The following KLF12 variants were observed in gnomAD, a reference collection of about 807,000 sequenced individuals.
The protein encoded by KLF12 is Krueppel-like factor 12.
A neutral mutation model predicts 37.8 loss-of-function variants in KLF12; 9 were observed. The observed-to-expected ratio is 0.24, with a 90% confidence interval of 0.14 to 0.42. KLF12 has a LOEUF of 0.42. Among genes scored for constraint, KLF12 ranks in the 10% least tolerant of loss-of-function variants. KLF12 has a pLI of 1.00. For synonymous variants in KLF12, 208 were observed against 202.1 expected, an observed-to-expected ratio of 1.03 and a Z score of -0.25; for missense variants, 411 against 516.0, an observed-to-expected ratio of 0.80 and a Z score of 1.97.
upstream of KLF12, among the ~76,000 whole-genome samples, chr13:74,134,188 G>A (rs900362898): frequency 2.0e-5 from 3 of 150,590 alleles, no homozygotes; most frequent in Admixed American, 2.0e-4. Context: ...GTGCTGTGAG[G>A]GGGGGGGCCG....
At chr13:74,236,104 C>T in the KLF12 span, among the ~76,000 whole-genome samples, 1 of 148,098 alleles carries the variant, frequency 6.8e-6, no homozygotes. Flanking sequence ...GCTCCCCCAA[C>T]CCACAACAGT....
intron 1 of KLF12, among the ~76,000 whole-genome samples, chr13:74,083,953 G>GAATA (rs1299941883): frequency 6.6e-6 from 1 of 152,178 alleles, no homozygotes; most frequent in African/African-American, 2.4e-5. Flanking sequence ...TTAGAAGAGA[G>GAATA]AATACAGTGA....
Position 73,937,424 on chromosome 13 carries a change from C to T in KLF12, c.123+6557G>A, listed in dbSNP as rs534509114. On this transcript the variant is annotated intron_variant, in intron 3 of 7. Transcript: ENST00000377669. ...GCCTGAAATCAAAATGCTCAAATCA[C>T]TCAGAGTATTTAATTTCCTTAAGAA... is the stretch of plus-strand genomic sequence containing the variant. 3.6e-3 allele frequency among the ~76,000 whole-genome samples: 549 copies of T among 152,262 alleles called. 5 individuals are homozygous for T. The highest frequency in any genetic ancestry group is 0.012 in the African/African-American group (512 of 41,540).
intron 3 of KLF12, among the ~76,000 whole-genome samples, chr13:73,866,528 C>T (rs775010071): frequency 6.6e-6 from 1 of 151,936 alleles, no homozygotes; most frequent in South Asian, 2.1e-4. Flanking sequence ...TACTTCTCAA[C>T]AAAATGACAG....
the KLF12 span, among the ~76,000 whole-genome samples, chr13:74,298,042 C>T: frequency 1.9e-4 from 29 of 152,250 alleles, no homozygotes; most frequent in Non-Finnish European, 3.7e-4. Flanking sequence ...GGTCTACAAT[C>T]GCCTGTACGG....
chr13:73,736,253 G>C (rs1877457559), intron 6 of KLF12, among the ~76,000 whole-genome samples: 1 of 152,140 alleles, frequency 6.6e-6, no homozygotes, highest in South Asian at 2.1e-4. Context: ...TTCATTTGTA[G>C]AGAAAATGAC....
intron 7 of KLF12, among the ~76,000 whole-genome samples, chr13:73,700,439 TA>T (rs2137575452): frequency 6.6e-6 from 1 of 152,128 alleles, no homozygotes; most frequent in Non-Finnish European, 1.5e-5. Flanking sequence ...TTTAATTATC[TA>T]AGTGATAAAA....
intron 1 of KLF12, among the ~76,000 whole-genome samples, chr13:74,003,746 C>T (rs1892341343): frequency 6.6e-6 from 1 of 152,136 alleles, no homozygotes; most frequent in Non-Finnish European, 1.5e-5. Flanking sequence ...TGTTTCTGCA[C>T]ATGTACACAT....
At chr13:73,827,164 G>T (rs1212216479) in intron 4 of KLF12, among the ~76,000 whole-genome samples, 2 of 152,160 alleles carry the variant, frequency 1.3e-5, no homozygotes, top group Admixed American at 1.3e-4. Context: ...AATAGTAAAA[G>T]ATACCATTTT....
chr13:73,782,379 A>G lies in KLF12; in HGVS notation c.807-17379T>C, dbSNP rs146522976. 8.0e-3 allele frequency among the ~76,000 whole-genome samples: 1,213 copies of G among 152,296 alleles called. 8 individuals carry two copies. Among genetic ancestry groups the G allele is most frequent in the Non-Finnish European group, 0.014 (934 of 68,030 alleles). On this transcript the variant is annotated intron_variant, in intron 5 of 7. Coordinates refer to ENST00000377669, the MANE Select transcript of KLF12 (RefSeq NM_007249.5). ...GTGCCTAACTTTCTCCTAAAGTAAG[A>G]ACAATAGCTACTAGACTGTTTCTCT...
chr13:73,834,597 G>C lies in KLF12; in HGVS notation c.670+11230C>G, dbSNP rs115891921. ...ATGATCTCGGCTCACTGCAACCTTT[G>C]CCTTTCAGGTTCAGCCAATTCCTGT... On this transcript the variant is annotated intron_variant, in intron 4 of 7. Coordinates refer to ENST00000377669, the MANE Select transcript of KLF12 (RefSeq NM_007249.5). Among the ~76,000 whole-genome samples, 1,056 of 152,158 alleles carry C rather than the reference G, an allele frequency of 6.9e-3. 7 individuals carry two copies. Among genetic ancestry groups the C allele is most frequent in the African/African-American group, 0.024 (980 of 41,480 alleles).
At chr13:74,118,672 C>T (rs765145199) in intron 1 of KLF12, among the ~76,000 whole-genome samples, 15 of 152,052 alleles carry the variant, frequency 9.9e-5, no homozygotes, top group South Asian at 2.1e-4. Context: ...AAAACTGATA[C>T]GAAAATGGAA....
chr13:73,735,232 A>G (rs887961821), intron 6 of KLF12, among the ~76,000 whole-genome samples: 3 of 151,086 alleles, frequency 2.0e-5, no homozygotes, highest in Non-Finnish European at 4.4e-5. Flanking sequence ...AGGGAGTTTG[A>G]GGCTGCAGTG....
the KLF12 span, among the ~76,000 whole-genome samples, chr13:74,151,050 G>A: frequency 1.3e-5 from 2 of 152,148 alleles, no homozygotes; most frequent in African/African-American, 2.4e-5. Context: ...ATAAAATAGT[G>A]GTGCTCTGTC....
intron 2 of KLF12, among the ~76,000 whole-genome samples, chr13:73,966,771 A>G (rs576614842): frequency 6.6e-6 from 1 of 152,328 alleles, no homozygotes; most frequent in Admixed American, 6.5e-5. Context: ...TTATATGCCC[A>G]GTAATGTGCC....
chr13:74,110,765 T>C (rs1876924213), intron 1 of KLF12, among the ~76,000 whole-genome samples: 1 of 152,122 alleles, frequency 6.6e-6, no homozygotes, highest in Non-Finnish European at 1.5e-5. Flanking sequence ...AGGTGAGAGA[T>C]ACAGCAAAGA....
intron 3 of KLF12, among the ~76,000 whole-genome samples, chr13:73,885,199 G>T (rs934039555): frequency 2.6e-5 from 4 of 152,176 alleles, no homozygotes; most frequent in Admixed American, 2.6e-4. Context: ...ATCCAGAGCA[G>T]CAGTCTTAAT....
At chr13:74,083,709 T>C (rs1009956709) in intron 1 of KLF12, among the ~76,000 whole-genome samples, 1 of 152,212 alleles carries the variant, frequency 6.6e-6, no homozygotes, top group Non-Finnish European at 1.5e-5. Flanking sequence ...TGACATGTTT[T>C]ATAGCTCAAA....
chr13:74,290,165 C>T, the KLF12 span, among the ~76,000 whole-genome samples: 1 of 152,302 alleles, frequency 6.6e-6, no homozygotes, highest in East Asian at 1.9e-4. Flanking sequence ...AAATTTCCCT[C>T]TCAAATGGCC....
Sources: allele counts gnomAD v4.1 joint callset (sites outside exome capture counted in the v4.1 genomes callset), GRCh38; gene constraint gnomAD v4.1.1; transcripts MANE v1.5; gene names NCBI Gene and HGNC (gene_info 2026-07-23, HGNC 2026-07-21).